WIPF1: variants seen among roughly 807,000 people sequenced by gnomAD.
WIPF1 encodes the protein WAS/WASL-interacting protein family member 1.
WIPF1 carries 13 observed loss-of-function variants against 35.4 expected under a neutral mutation model. The ratio of observed to expected loss-of-function variants is 0.37; its 90% CI spans 0.24 to 0.58. WIPF1 has a LOEUF of 0.58. Ranked by LOEUF, WIPF1 falls within the 20% of genes least tolerant of loss-of-function variation. The pLI, the probability that WIPF1 is intolerant of heterozygous loss-of-function variation, is 0.74. For missense variants in WIPF1, 591 were observed against 667.0 expected, an observed-to-expected ratio of 0.89 and a Z score of 1.25; for synonymous variants, 267 against 266.3, an observed-to-expected ratio of 1.00 and a Z score of -0.02.
chr2:174,583,697 A>G (rs575327948), intron 2 of WIPF1, among the ~76,000 whole-genome samples: 52 of 152,294 alleles, frequency 3.4e-4, no homozygotes, highest in Non-Finnish European at 7.2e-4. Flanking sequence ...TATTTATTTA[A>G]TATTTTTTAT....
chr2:174,594,056 C>A (rs1317371697), intron 1 of WIPF1, among the ~76,000 whole-genome samples: 1 of 152,230 alleles, frequency 6.6e-6, no homozygotes, highest in Non-Finnish European at 1.5e-5. Context: ...GGAGCACACG[C>A]TTGCCATACA....
At chr2:174,676,486 T>C (rs1688134696) in intron 1 of WIPF1, 1 of 151,902 alleles carries the variant, frequency 6.6e-6, no homozygotes, top group Non-Finnish European at 1.5e-5. Context: ...TTGTATTTTG[T>C]GTAGAGATGG....
At chr2:174,679,713 C>T (rs1688211415) in intron 1 of WIPF1, among the ~76,000 whole-genome samples, 1 of 152,180 alleles carries the variant, frequency 6.6e-6, no homozygotes, top group Non-Finnish European at 1.5e-5. Flanking sequence ...AATAGCATCA[C>T]TCAACTAACT....
At chr2:174,566,953 G>T in intron 7 of WIPF1, 117 bp downstream of exon 7, 1 of 839,656 alleles carries the variant, frequency 1.2e-6, no homozygotes, top group East Asian at 2.7e-5. Context: ...GAATGTAGAT[G>T]GCTCCAAAGG....
At chr2:174,567,229 A>G in intron 6 of WIPF1, 46 bp from the exon 7 acceptor site, 2 of 1,547,498 alleles carry the variant, frequency 1.3e-6, no homozygotes, top group Non-Finnish European at 1.8e-6. Context: ...ACAATGTGCT[A>G]TGAAGACTTA....
chr2:174,577,580 G>A (rs1392559813), intron 3 of WIPF1, among the ~76,000 whole-genome samples: 1 of 152,118 alleles, frequency 6.6e-6, no homozygotes, highest in Non-Finnish European at 1.5e-5. Context: ...GATCTACTGA[G>A]GCTTTTTGAT....
At position 174,581,420 on chromosome 2, in the gene WIPF1, G is replaced by T. The variant is rs747411676; in HGVS notation, c.71C>A (p.Thr24Asn). The change falls in exon 3 of 8, where the codon ACC (threonine) becomes AAC (asparagine). Residue 24 changes from threonine to asparagine, a missense_variant. Thr to Asn is a moderately conservative substitution (Grantham distance 65). Coordinates refer to ENST00000679041, the MANE Select transcript of WIPF1 (RefSeq NM_001375834.1). ...CCCAGCCTGCTCTGTCTTATTCAAG[G>T]TAGGCTTCTCTGTATTGGCCTGAAA... is the stretch of plus-strand genomic sequence containing the variant. Reference protein sequence around the residue: ...TFALANTEKPTLNKTEQAGRN... With the variant: ...TFALANTEKPNLNKTEQAGRN... The T allele has an allele frequency of 3.7e-6, 6 of 1,613,898 alleles. No individual in the cohort carries two copies. Among genetic ancestry groups the T allele is most frequent in the Non-Finnish European group, 4.2e-6 (5 of 1,179,920 alleles).
chr2:174,606,717 G>C (rs1327603551), intron 1 of WIPF1, among the ~76,000 whole-genome samples: 2 of 152,172 alleles, frequency 1.3e-5, no homozygotes, highest in Non-Finnish European at 2.9e-5. Context: ...TGGATTTGTG[G>C]CCAGTAGAAG....
chr2:174,646,020 GCAAGACAC>G (rs1289662921), intron 1 of WIPF1, among the ~76,000 whole-genome samples: 1 of 152,202 alleles, frequency 6.6e-6, no homozygotes, highest in Non-Finnish European at 1.5e-5. Flanking sequence ...GTACTGAGAA[GCAAGACAC>G]CATCTTACAT....
At chr2:174,637,809 A>C (rs993628708) in intron 1 of WIPF1, among the ~76,000 whole-genome samples, 11 of 152,300 alleles carry the variant, frequency 7.2e-5, no homozygotes, top group East Asian at 1.9e-4. Context: ...AACAAAAAAA[A>C]CCCACCATAA....
intron 1 of WIPF1, among the ~76,000 whole-genome samples, chr2:174,633,692 G>T (rs1425043893): frequency 6.6e-6 from 1 of 152,184 alleles, no homozygotes; most frequent in African/African-American, 2.4e-5. Flanking sequence ...TTTCTGGACG[G>T]CTGCTTCCCA....
rs150498191 is a variant in WIPF1, at chr2:174,572,338, C to T, written c.467G>A (p.Gly156Asp). The change falls in exon 5 of 8, where the codon GGC (glycine) becomes GAC (aspartate). Residue 156 changes from glycine (G) to aspartate (D), a missense_variant. Transcript: ENST00000679041. ...AGGCTCTGGGGGACCACTTCTGTGG[C>T]CTGGAGAAGGCACAGGAAACCTCCC... ...GPGRFPVPSPGHRSGPPEPQR... is the reference protein window; with the variant it reads ...GPGRFPVPSPDHRSGPPEPQR... 2.5e-5 allele frequency: 40 copies of T among 1,613,932 alleles called. No individual in the cohort carries two copies. Among genetic ancestry groups the T allele is most frequent in the Non-Finnish European group, 3.2e-5 (38 of 1,180,014 alleles).
chr2:174,595,104 AAAAAAATAT>A (rs1327698676), intron 1 of WIPF1, among the ~76,000 whole-genome samples: 7 of 43,666 alleles, frequency 1.6e-4, no homozygotes, highest in African/African-American at 3.8e-4. Context: ...AAAAAAAAAA[AAAAAAATAT>A]ATATATATAT....
intron 1 of WIPF1, among the ~76,000 whole-genome samples, chr2:174,646,859 C>T (rs1325517683): frequency 6.6e-6 from 1 of 152,146 alleles, no homozygotes; most frequent in Non-Finnish European, 1.5e-5. Context: ...AAGCAATCTG[C>T]CCACCTCCGC....
At chr2:174,670,050 T>A (rs529762898) in intron 1 of WIPF1, among the ~76,000 whole-genome samples, 2 of 152,228 alleles carry the variant, frequency 1.3e-5, no homozygotes, top group East Asian at 3.9e-4. Flanking sequence ...ATGGGCCTCC[T>A]CTAATCTCTG....
At chr2:174,596,981 T>C (rs185913049) in intron 1 of WIPF1, among the ~76,000 whole-genome samples, 31 of 152,346 alleles carry the variant, frequency 2.0e-4, no homozygotes, top group Admixed American at 1.4e-3. Context: ...ATTAATCATA[T>C]TAAACATAAA....
chr2:174,618,949 T>C (rs1021758262), intron 1 of WIPF1, among the ~76,000 whole-genome samples: 1 of 151,132 alleles, frequency 6.6e-6, no homozygotes, highest in Non-Finnish European at 1.5e-5. Flanking sequence ...AACTGACACA[T>C]ACACACACAC....
Position 174,588,553 on chromosome 2 carries a change from G to C in WIPF1, c.-38-2942C>G, listed in dbSNP as rs75452564. On this transcript the variant is annotated intron_variant, in intron 1 of 7. Coordinates refer to ENST00000679041, the MANE Select transcript of WIPF1 (RefSeq NM_001375834.1). The stretch of plus-strand genomic sequence containing the variant: ...TATTTTACAATTCTCTGTTGCTGCT[G>C]TTTTAGTACTGTCTGTGCACTAACT... Among the ~76,000 whole-genome samples, 912 of 152,232 alleles carry C rather than the reference G, an allele frequency of 6.0e-3. 6 individuals carry two copies. The highest frequency in any genetic ancestry group is 0.014 in the Middle Eastern group (4 of 294).
intron 1 of WIPF1, among the ~76,000 whole-genome samples, chr2:174,597,288 A>C (rs1034576017): frequency 2.0e-5 from 3 of 152,256 alleles, no homozygotes; most frequent in Non-Finnish European, 4.4e-5. Flanking sequence ...ATACACCAAA[A>C]GGATATATTT....
Sources: allele counts gnomAD v4.1 joint callset (sites outside exome capture counted in the v4.1 genomes callset), GRCh38; gene constraint gnomAD v4.1.1; transcripts MANE v1.5; gene names NCBI Gene and HGNC (gene_info 2026-07-23, HGNC 2026-07-21).